The following TMPRSS7 variants were observed in gnomAD, a reference collection of about 807,000 sequenced individuals.
TMPRSS7 encodes the protein transmembrane protease serine 7.
TMPRSS7 carries 81 observed loss-of-function variants against 95.6 expected under a neutral mutation model. That is an observed-to-expected ratio of 0.85 (90% confidence interval 0.71 to 1.02). The LOEUF (loss-of-function observed/expected upper bound fraction) is 1.02, where lower values mean the gene tolerates loss of function less well. TMPRSS7 is among the 50% of genes least tolerant of loss of function. The probability of loss-of-function intolerance (pLI) is 0.00; values close to 1 mark genes in which losing one functional copy is unlikely to be tolerated. For synonymous variants in TMPRSS7, 364 were observed against 337.8 expected (o/e 1.08, Z -0.85); for missense variants, 945 against 955.2 (o/e 0.99, Z 0.14).
intron 7 of TMPRSS7, among the ~76,000 whole-genome samples, chr3:112,049,316 C>T (rs1194201104): frequency 6.6e-6 from 1 of 152,214 alleles, no homozygotes; most frequent in Non-Finnish European, 1.5e-5. Flanking sequence ...TAAATCCCTG[C>T]TTTCCTTTCT....
chr3:112,075,133 G>T (rs2073695928), intron 14 of TMPRSS7, among the ~76,000 whole-genome samples, 188 bp from the exon 15 acceptor site: 2 of 152,232 alleles, frequency 1.3e-5, no homozygotes, highest in Admixed American at 6.5e-5. Flanking sequence ...GTCAGGGCAT[G>T]CTTCAGGAAG....
rs774285934 is a variant in TMPRSS7, at chr3:112,066,486, G to A, written c.1650G>A (p.Glu550=). 5.0e-6 allele frequency: 8 copies of A among 1,613,730 alleles called. No individual in the cohort carries two copies. The Admixed American group carries it at 1.0e-4, about 20-fold the overall frequency. The change falls in exon 13 of 18, where the codon GAG becomes GAA. Residue 550 remains glutamate (E), a synonymous_variant. Coordinates refer to ENST00000452346, the Ensembl canonical transcript of TMPRSS7. Reference sequence around the variant, plus strand: ...GGGACTGTGAGAATGGCCGGGATGAGCAAAACTGCACTCAAAGTGAGGGAG... The same window carrying A: ...GGGACTGTGAGAATGGCCGGGATGAACAAAACTGCACTCAAAGTGAGGGAG...
intron 5 of TMPRSS7, among the ~76,000 whole-genome samples, chr3:112,046,541 A>G (rs576514791): frequency 6.6e-6 from 1 of 152,328 alleles, no homozygotes; most frequent in South Asian, 2.1e-4. Context: ...ATACACACAC[A>G]CATACACTAG....
chr3:112,066,514 T>C lies in TMPRSS7; in HGVS notation c.1666+12T>C. 6.2e-7 allele frequency: 1 copy of C among 1,608,104 alleles called. No homozygotes were observed. The highest frequency in any genetic ancestry group is 1.1e-5 in the South Asian group (1 of 90,846). The stretch of plus-strand genomic sequence containing the variant: ...AAACTGCACTCAAAGTGAGGGAGAG[T>C]CCTCTGTGCCCTGCTGTTCCTCCTA... On this transcript the variant is annotated intron_variant, in intron 13 of 17. Coordinates refer to ENST00000452346, the Ensembl canonical transcript of TMPRSS7.
intron 17 of TMPRSS7, among the ~76,000 whole-genome samples, chr3:112,079,757 A>G (rs988271382): frequency 6.6e-6 from 1 of 152,104 alleles, no homozygotes; most frequent in Non-Finnish European, 1.5e-5. Context: ...CTGAGCTCCT[A>G]TTTTGTGGCA....
chr3:112,036,473 C>A (rs79894840), intron 1 of TMPRSS7, among the ~76,000 whole-genome samples: 2 of 151,570 alleles, frequency 1.3e-5, no homozygotes, highest in East Asian at 3.9e-4. Flanking sequence ...GATGCTGAGG[C>A]AGGGGAATCG....
rs550510393 is a variant in TMPRSS7 at position 112,076,512 on chromosome 3, T to G, written c.1956-364T>G. 2.6e-5 allele frequency among the ~76,000 whole-genome samples: 4 copies of G among 152,374 alleles called. No homozygotes were observed. In the East Asian group the frequency reaches 7.7e-4, roughly 29 times the overall value. ...AGTAGGATTCTCCATCAAATGCCAT[T>G]GTCAGCATGAATAGGAAGAATGTAA... On this transcript the variant is annotated intron_variant, in intron 15 of 17. Coordinates refer to ENST00000452346, the Ensembl canonical transcript of TMPRSS7.
At position 112,078,724 on chromosome 3, in the gene TMPRSS7, T is replaced by A. The variant is rs1274373806; in HGVS notation, c.2225-18T>A. The A allele has an allele frequency of 1.9e-6, 3 of 1,613,922 alleles. No homozygotes were observed. The highest frequency in any genetic ancestry group is 2.5e-6 in the Non-Finnish European group (3 of 1,179,856). On this transcript the variant is annotated intron_variant, in intron 16 of 17. Coordinates refer to ENST00000452346, the Ensembl canonical transcript of TMPRSS7. ...CCATTACCACTAACATCATTTCTAC[T>A]TCCAATGTGTTTTGCAGATAATAAA...
At chr3:112,078,009 A>C (rs529069945) in intron 16 of TMPRSS7, among the ~76,000 whole-genome samples, 56 of 152,134 alleles carry the variant, frequency 3.7e-4, no homozygotes, top group Admixed American at 3.5e-3. Context: ...TCGTTTTGAC[A>C]CTCTAAAGTG....
chr3:112,076,765 C>T, intron 15 of TMPRSS7, 111 bp from the exon 16 acceptor site: 1 of 1,286,450 alleles, frequency 7.8e-7, no homozygotes, highest in Non-Finnish European at 1.1e-6. Flanking sequence ...ATAATAACAC[C>T]CTGGAAGTCA....
intron 16 of TMPRSS7, 26 bp downstream of exon 16, chr3:112,077,170 C>A (rs749162929): frequency 1.5e-5 from 24 of 1,607,742 alleles, no homozygotes; most frequent in Non-Finnish European, 2.0e-5. Flanking sequence ...AATGGTCATG[C>A]CCTTCCCCTG....
At chr3:112,066,551 T>C in intron 13 of TMPRSS7, 49 bp downstream of exon 13, 1 of 1,552,528 alleles carries the variant, frequency 6.4e-7, no homozygotes, top group Non-Finnish European at 8.9e-7. Flanking sequence ...GAAACTCTTC[T>C]AAATCAGGAC....
At chr3:112,065,497 T>C (rs1342903312) in intron 12 of TMPRSS7, among the ~76,000 whole-genome samples, 1 of 152,244 alleles carries the variant, frequency 6.6e-6, no homozygotes, top group Admixed American at 6.5e-5. Flanking sequence ...TTTTTTGTGC[T>C]GATTCTCCAA....
chr3:112,068,473 ATTTG>A (rs770779318), intron 13 of TMPRSS7, among the ~76,000 whole-genome samples: 5 of 152,196 alleles, frequency 3.3e-5, no homozygotes, highest in Non-Finnish European at 4.4e-5. Flanking sequence ...ATGTTCTTCC[ATTTG>A]TTTGTGTCCA....
chr3:112,051,676 T>TATCTATCTATC (rs2073360239), intron 9 of TMPRSS7, among the ~76,000 whole-genome samples: 1 of 145,748 alleles, frequency 6.9e-6, no homozygotes, highest in Non-Finnish European at 1.5e-5. Context: ...ATCATCTATC[T>TATCTATCTATC]ATCTATCTAT....
chr3:112,075,284 G>T, intron 14 of TMPRSS7, 37 bp from the exon 15 acceptor site: 3 of 1,365,652 alleles, frequency 2.2e-6, no homozygotes, highest in Admixed American at 5.9e-5. Context: ...TTTCTTCCAA[G>T]TCTACCTTTA....
At chr3:112,039,174 C>T (rs2073181129) in intron 2 of TMPRSS7, among the ~76,000 whole-genome samples, 1 of 152,212 alleles carries the variant, frequency 6.6e-6, no homozygotes, top group African/African-American at 2.4e-5. Context: ...TTATGCAACA[C>T]TGCAAGTATA....
At chr3:112,041,706 G>A (rs2073211664) in intron 2 of TMPRSS7, among the ~76,000 whole-genome samples, 1 of 152,214 alleles carries the variant, frequency 6.6e-6, no homozygotes. Context: ...ATTTGCCAGA[G>A]TGGACAGAAG....
chr3:112,036,560 C>A (rs1013758012), intron 1 of TMPRSS7, among the ~76,000 whole-genome samples: 1 of 149,538 alleles, frequency 6.7e-6, no homozygotes, highest in East Asian at 2.0e-4. Context: ...AAGAGCAAAA[C>A]TCTGTCAAAA....
Sources: gnomAD v4.1 joint callset for allele counts (sites outside exome capture counted in the v4.1 genomes callset) on GRCh38, gnomAD v4.1.1 for gene constraint, MANE v1.5 for transcripts, NCBI Gene and HGNC (gene_info 2026-07-23, HGNC 2026-07-21) for gene names.